Variants in HEATR5A observed in about 807,000 individuals in gnomAD.
HEATR5A encodes HEAT repeat-containing protein 5A.
A neutral mutation model predicts 218.8 loss-of-function variants in HEATR5A; 178 were observed. The ratio of observed to expected loss-of-function variants is 0.81; its 90% CI spans 0.72 to 0.92. The LOEUF (loss-of-function observed/expected upper bound fraction) is 0.92, where lower values mean the gene tolerates loss of function less well. Ranked by LOEUF, HEATR5A falls within the 40% of genes least tolerant of loss-of-function variation. The probability of loss-of-function intolerance (pLI) is 0.00; values close to 1 mark genes in which losing one functional copy is unlikely to be tolerated. For synonymous variants in HEATR5A, 864 were observed against 871.6 expected, an observed-to-expected ratio of 0.99 and a Z score of 0.15; for missense variants, 2,420 against 2,418.9, an observed-to-expected ratio of 1.00 and a Z score of -0.01.
Position 31,413,814 on chromosome 14 carries a change from T to G in HEATR5A, c.-75+6658A>C, listed in dbSNP as rs1246994619. Reference sequence around the variant, plus strand: ...GAAGAAGGTAATGTCCATGTCTGTCTGTCTAAACGTCCACATTCTTTCAAC... The same window carrying G: ...GAAGAAGGTAATGTCCATGTCTGTCGGTCTAAACGTCCACATTCTTTCAAC... On this transcript the variant is annotated intron_variant, in intron 1 of 35. Transcript: ENST00000543095. Among the ~76,000 whole-genome samples the G allele has an allele frequency of 2.0e-5, 3 of 152,232 alleles. No individual in the cohort carries two copies. In the East Asian group the frequency reaches 5.8e-4, roughly 29 times the overall value.
At chr14:31,412,857 A>G (rs1363712508) in intron 1 of HEATR5A, among the ~76,000 whole-genome samples, 1 of 152,184 alleles carries the variant, frequency 6.6e-6, no homozygotes, top group East Asian at 1.9e-4. Context: ...CTGGGCAACA[A>G]GAGCCAAACT....
intron 22 of HEATR5A, among the ~76,000 whole-genome samples, chr14:31,336,594 C>T (rs963513639): frequency 2.0e-5 from 3 of 152,094 alleles, no homozygotes; most frequent in Non-Finnish European, 4.4e-5. Flanking sequence ...TTAAATCTTA[C>T]TGGCTAAGAA....
intron 13 of HEATR5A, among the ~76,000 whole-genome samples, chr14:31,366,609 T>C (rs1167991938): frequency 1.3e-5 from 2 of 152,222 alleles, no homozygotes; most frequent in African/African-American, 4.8e-5. Flanking sequence ...AGGGCCTTCC[T>C]GCTACTTACT....
chr14:31,358,275 T>C (rs1181563779), intron 16 of HEATR5A, among the ~76,000 whole-genome samples: 1 of 152,196 alleles, frequency 6.6e-6, no homozygotes, highest in Non-Finnish European at 1.5e-5. Context: ...CCTGGACCTT[T>C]AATGGTTCCA....
chr14:31,297,148 T>C (rs1899212776), intron 33 of HEATR5A: 1 of 152,092 alleles, frequency 6.6e-6, no homozygotes, highest in South Asian at 2.1e-4. Context: ...TGTCCAGATG[T>C]GGTGGTGCAT....
intron 16 of HEATR5A, among the ~76,000 whole-genome samples, chr14:31,354,231 C>T (rs1305121836): frequency 2.0e-5 from 3 of 151,984 alleles, no homozygotes; most frequent in South Asian, 2.1e-4. Flanking sequence ...AAACCTATAA[C>T]GTCATTATTA....
chr14:31,298,631 C>G (rs1899266700), intron 33 of HEATR5A, among the ~76,000 whole-genome samples: 1 of 151,772 alleles, frequency 6.6e-6, no homozygotes, highest in Non-Finnish European at 1.5e-5. Flanking sequence ...ATATTATTTT[C>G]CATCCTTACC....
At chr14:31,408,122 C>T (rs2031145311) in intron 1 of HEATR5A, among the ~76,000 whole-genome samples, 1 of 152,142 alleles carries the variant, frequency 6.6e-6, no homozygotes, top group East Asian at 1.9e-4. Context: ...ACAGATACTC[C>T]TAGTTACTCA....
intron 8 of HEATR5A, 96 bp downstream of exon 8, chr14:31,387,024 T>C (rs1425783946): frequency 5.1e-6 from 6 of 1,180,242 alleles, no homozygotes; most frequent in Non-Finnish European, 6.0e-6. Context: ...CCTTCAAGGT[T>C]TCTGTATTAA....
At chr14:31,386,213 G>C (rs1287712211) in intron 9 of HEATR5A, among the ~76,000 whole-genome samples, 1 of 152,106 alleles carries the variant, frequency 6.6e-6, no homozygotes, top group Non-Finnish European at 1.5e-5. Flanking sequence ...ATGGGGGGTA[G>C]GGTGCAGACT....
intron 31 of HEATR5A, 118 bp downstream of exon 31, chr14:31,306,614 G>T: frequency 9.5e-7 from 1 of 1,056,900 alleles, no homozygotes; most frequent in Non-Finnish European, 1.3e-6. Flanking sequence ...GCCATGCCTA[G>T]ACATGTTTTA....
At chr14:31,380,415 C>T in intron 11 of HEATR5A, 52 bp downstream of exon 11, 1 of 1,129,424 alleles carries the variant, frequency 8.9e-7, no homozygotes, top group Non-Finnish European at 1.3e-6. Context: ...AATCATTTCA[C>T]TCAGAAAACA....
Position 31,320,225 on chromosome 14 carries a change from C to T in HEATR5A, c.3969+1274G>A, listed in dbSNP as rs1399411360. 4.5e-6 allele frequency: 3 copies of T among 660,700 alleles called. No individual in the cohort carries two copies. The African/African-American group carries it at 5.4e-5, about 12-fold the overall frequency. 40.9% of individuals were successfully genotyped at this position (660,700 alleles called of 1,614,324 possible). A position where few individuals can be genotyped will look rare whatever the true frequency, so the allele number is the denominator to read the frequency against. ...CAGGCAGGTGACCCTCACGGAGCCT[C>T]ACATGGCGAACAGGATGAAGAAGGA... On this transcript the variant is annotated intron_variant, in intron 25 of 35. Coordinates refer to ENST00000543095, the MANE Select transcript of HEATR5A (RefSeq NM_015473.4).
Position 31,312,936 on chromosome 14 carries a change from C to G in HEATR5A, c.4441+32G>C, listed in dbSNP as rs570518423. The G allele has an allele frequency of 2.0e-6, 3 of 1,496,322 alleles. No individual in the cohort carries two copies. In the Admixed American group the frequency reaches 5.2e-5, roughly 26 times the overall value. 92.7% of individuals were successfully genotyped at this position (1,496,322 alleles called of 1,614,324 possible). Reference sequence around the variant, plus strand: ...GAAAAGAAAATGTGTTACTGTCACTCTAGGAATTATCTAAGTATTTTATCT... The same window carrying G: ...GAAAAGAAAATGTGTTACTGTCACTGTAGGAATTATCTAAGTATTTTATCT... On this transcript the variant is annotated intron_variant, in intron 28 of 35. Transcript: ENST00000543095.
At chr14:31,358,575 C>T in intron 16 of HEATR5A, 62 bp downstream of exon 16, 1 of 1,394,284 alleles carries the variant, frequency 7.2e-7, no homozygotes, top group South Asian at 1.3e-5. Context: ...AGATCTCTGG[C>T]AACATTCTTC....
At chr14:31,354,484 A>C (rs1338273122) in intron 16 of HEATR5A, among the ~76,000 whole-genome samples, 1 of 152,226 alleles carries the variant, frequency 6.6e-6, no homozygotes, top group Non-Finnish European at 1.5e-5. Flanking sequence ...CAAGGATTCA[A>C]GATATATGAC....
intron 21 of HEATR5A, 34 bp from the exon 22 acceptor site, chr14:31,337,648 A>C (rs372716140): frequency 5.5e-4 from 875 of 1,579,922 alleles, no homozygotes; most frequent in Non-Finnish European, 6.6e-4. Flanking sequence ...GACAGAGCTA[A>C]AATTCTTGTT....
At chr14:31,373,487 T>A (rs1401475528) in intron 12 of HEATR5A, among the ~76,000 whole-genome samples, 1 of 151,782 alleles carries the variant, frequency 6.6e-6, no homozygotes, top group Non-Finnish European at 1.5e-5. Context: ...CACCACCACA[T>A]CTGGCTAATT....
chr14:31,365,454 G>A (rs911970581), intron 13 of HEATR5A, among the ~76,000 whole-genome samples: 3 of 151,956 alleles, frequency 2.0e-5, no homozygotes, highest in Non-Finnish European at 2.9e-5. Context: ...TCCGCCTCCT[G>A]GGTTCAAGTC....
Sources: allele counts gnomAD v4.1 joint callset (sites outside exome capture counted in the v4.1 genomes callset), GRCh38; gene constraint gnomAD v4.1.1; transcripts MANE v1.5; gene names NCBI Gene and HGNC (gene_info 2026-07-23, HGNC 2026-07-21).